The following GRID2 variants were observed in gnomAD, a reference collection of about 807,000 sequenced individuals.
The protein encoded by GRID2 is glutamate ionotropic receptor delta type subunit 2, also known as glutamate receptor ionotropic, delta-2.
In GRID2, 33 loss-of-function variants were observed where a neutral mutation model predicts 114.8. The observed-to-expected ratio is 0.29, with a 90% CI of 0.22 to 0.38. The LOEUF is 0.38. Ranked by LOEUF, GRID2 falls within the 10% of genes least tolerant of loss-of-function variation. The pLI, the probability that GRID2 is intolerant of heterozygous loss-of-function variation, is 1.00. For missense variants in GRID2, 1,184 were observed against 1,257.7 expected (o/e 0.94, Z 0.89); for synonymous variants, 505 against 449.9 (o/e 1.12, Z -1.55).
intron 13 of GRID2, among the ~76,000 whole-genome samples, chr4:93,536,642 G>T (rs987994108): frequency 7.0e-5 from 9 of 127,952 alleles, no homozygotes; most frequent in African/African-American, 2.9e-4. Context: ...TGATATTTTT[G>T]ACTTCTTTTT....
intron 10 of GRID2, among the ~76,000 whole-genome samples, chr4:93,432,449 G>T (rs957323926): frequency 6.6e-6 from 1 of 152,154 alleles, no homozygotes; most frequent in African/African-American, 2.4e-5. Flanking sequence ...TGAAAAACAG[G>T]TGAAGTATGA....
intron 13 of GRID2, among the ~76,000 whole-genome samples, chr4:93,538,743 T>A (rs766239819): frequency 9.2e-5 from 14 of 151,522 alleles, no homozygotes; most frequent in Non-Finnish European, 1.5e-4. Flanking sequence ...TACTCCAAAA[T>A]ACTACACCAG....
chr4:92,890,070 A>C (rs1746649344), intron 2 of GRID2, among the ~76,000 whole-genome samples: 1 of 152,214 alleles, frequency 6.6e-6, no homozygotes, highest in South Asian at 2.1e-4. Context: ...CATATGCAGA[A>C]AGCTGAAACT....
chr4:93,707,457 A>G (rs946869884), intron 14 of GRID2, among the ~76,000 whole-genome samples: 3 of 151,848 alleles, frequency 2.0e-5, no homozygotes, highest in Admixed American at 2.0e-4. Flanking sequence ...AAATTTATCT[A>G]TTTCTTCCAG....
At chr4:93,206,959 A>C (rs1181134712) in intron 4 of GRID2, among the ~76,000 whole-genome samples, 1 of 152,102 alleles carries the variant, frequency 6.6e-6, no homozygotes, top group Non-Finnish European at 1.5e-5. Flanking sequence ...TACACAGAGA[A>C]GTAGCAGCAG....
intron 2 of GRID2, among the ~76,000 whole-genome samples, chr4:92,674,199 C>T (rs1311345216): frequency 1.3e-5 from 2 of 152,092 alleles, no homozygotes; most frequent in African/African-American, 4.8e-5. Flanking sequence ...AAAAATTTAG[C>T]ATTAACTCTT....
intron 14 of GRID2, among the ~76,000 whole-genome samples, chr4:93,723,377 A>AC (rs1275972641): frequency 6.6e-6 from 1 of 152,252 alleles, no homozygotes; most frequent in Admixed American, 6.5e-5. Flanking sequence ...CAAATATTAA[A>AC]CAGCTGCATT....
intron 2 of GRID2, among the ~76,000 whole-genome samples, chr4:92,689,806 T>C (rs543173845): frequency 9.7e-4 from 148 of 152,326 alleles, no homozygotes; most frequent in Non-Finnish European, 1.7e-3. Flanking sequence ...CTTCATTTTA[T>C]GGAGATAGCT....
chr4:93,675,981 C>CCTT (rs1724820988), intron 14 of GRID2, among the ~76,000 whole-genome samples: 2 of 152,112 alleles, frequency 1.3e-5, no homozygotes, highest in Admixed American at 1.3e-4. Context: ...CACTTAATAG[C>CCTT]CTTAGACAGG....
chr4:92,626,004 A>G (rs1190438272), intron 2 of GRID2, among the ~76,000 whole-genome samples: 1 of 151,982 alleles, frequency 6.6e-6, no homozygotes, highest in Non-Finnish European at 1.5e-5. Context: ...TTTTGGCATC[A>G]GGGAAGTCTA....
intron 10 of GRID2, among the ~76,000 whole-genome samples, chr4:93,431,640 T>A (rs2149380594): frequency 6.6e-6 from 1 of 152,142 alleles, no homozygotes; most frequent in East Asian, 1.9e-4. Context: ...AAGGTGAAAA[T>A]GACATGCATA....
In GRID2 at chr4:92,447,852, C is replaced by T. The variant is rs1034442385; in HGVS notation, c.89-142279C>T. Among the ~76,000 whole-genome samples, 9 of 152,250 alleles carry T rather than the reference C, an allele frequency of 5.9e-5. No homozygotes were observed. The East Asian group carries it at 1.7e-3, about 29-fold the overall frequency. ...TGTGACCTAATAACCTTCCAAAGGC[C>T]CCACCTCCTAATACCATCACCTTAT... On this transcript the variant is annotated intron_variant, in intron 1 of 15. Transcript: ENST00000282020.
At chr4:93,507,159 G>A (rs978142057) in intron 12 of GRID2, among the ~76,000 whole-genome samples, 1 of 152,056 alleles carries the variant, frequency 6.6e-6, no homozygotes, top group Non-Finnish European at 1.5e-5. Context: ...ATCTTTTACA[G>A]AGCTCTTAAT....
chr4:92,873,472 T>C (rs1745418432), intron 2 of GRID2, among the ~76,000 whole-genome samples: 1 of 152,162 alleles, frequency 6.6e-6, no homozygotes, highest in African/African-American at 2.4e-5. Flanking sequence ...ATTATTAAAA[T>C]TGGACTTGAA....
intron 2 of GRID2, among the ~76,000 whole-genome samples, chr4:92,808,704 T>A (rs1437405561): frequency 6.6e-6 from 1 of 151,996 alleles, no homozygotes; most frequent in Non-Finnish European, 1.5e-5. Flanking sequence ...TTATACACAC[T>A]ATTGTTTTGA....
intron 4 of GRID2, among the ~76,000 whole-genome samples, chr4:93,183,641 C>T (rs1239136524): frequency 2.6e-5 from 4 of 152,142 alleles, no homozygotes; most frequent in Admixed American, 2.6e-4. Context: ...TTCTGTTCTC[C>T]AGGATTCTAT....
intron 14 of GRID2, among the ~76,000 whole-genome samples, chr4:93,759,239 G>A (rs373849715): frequency 6.6e-6 from 1 of 152,028 alleles, no homozygotes; most frequent in African/African-American, 2.4e-5. Context: ...GCTTCTCCGC[G>A]AACAGGGCTG....
chr4:93,346,800 T>C (rs1342635835), intron 8 of GRID2, among the ~76,000 whole-genome samples: 1 of 152,244 alleles, frequency 6.6e-6, no homozygotes, highest in Non-Finnish European at 1.5e-5. Flanking sequence ...GAGATTTGAA[T>C]AGACTGGATT....
intron 12 of GRID2, among the ~76,000 whole-genome samples, chr4:93,497,441 T>C (rs1560683168): frequency 6.6e-6 from 1 of 151,844 alleles, no homozygotes; most frequent in Non-Finnish European, 1.5e-5. Context: ...CTTCAATAAG[T>C]CCAAGGTCAT....
Sources: gnomAD v4.1 joint callset for allele counts (sites outside exome capture counted in the v4.1 genomes callset) on GRCh38, gnomAD v4.1.1 for gene constraint, MANE v1.5 for transcripts, NCBI Gene and HGNC (gene_info 2026-07-23, HGNC 2026-07-21) for gene names.